Variants in PXDNL observed in about 807,000 individuals in gnomAD.
PXDNL encodes the protein probable oxidoreductase PXDNL.
In PXDNL, 145 loss-of-function variants were observed where a neutral mutation model predicts 150.8. The ratio of observed to expected loss-of-function variants is 0.96; its 90% CI spans 0.84 to 1.10. PXDNL has a LOEUF of 1.10. Ranked by LOEUF, PXDNL falls within the 50% of genes least tolerant of loss-of-function variation. The pLI, the probability that PXDNL is intolerant of heterozygous loss-of-function variation, is 0.00. For synonymous variants in PXDNL, 757 were observed against 725.7 expected, an observed-to-expected ratio of 1.04 and a Z score of -0.69; for missense variants, 2,087 against 1,873.9, an observed-to-expected ratio of 1.11 and a Z score of -2.10.
chr8:51,607,991 GAGGA>G (rs1241189802), intron 2 of PXDNL, among the ~76,000 whole-genome samples: 4 of 103,728 alleles, frequency 3.9e-5, no homozygotes, highest in South Asian at 3.0e-4. Flanking sequence ...GGAAGAGAGA[GAGGA>G]AGGAAGGAAG....
Position 51,603,051 on chromosome 8 carries a change from A to G in PXDNL, c.237-10353T>C, listed in dbSNP as rs922348920. The stretch of plus-strand genomic sequence containing the variant: ...TATTTACATATTATCATTACTATTG[A>G]TTGATATATTTATAGTTTCCCCTGT... On this transcript the variant is annotated intron_variant, in intron 2 of 22. Coordinates refer to ENST00000356297, the MANE Select transcript of PXDNL (RefSeq NM_144651.5). Among the ~76,000 whole-genome samples the G allele has an allele frequency of 2.6e-5, 4 of 151,856 alleles. No individual in the cohort carries two copies. In the South Asian group the frequency reaches 8.3e-4, roughly 32 times the overall value.
At chr8:51,752,594 T>C (rs1459431109) in intron 1 of PXDNL, among the ~76,000 whole-genome samples, 1 of 152,160 alleles carries the variant, frequency 6.6e-6, no homozygotes, top group Non-Finnish European at 1.5e-5. Flanking sequence ...TGAACCTCTG[T>C]CACCTACAAT....
At chr8:51,734,470 G>A (rs1039122638) in intron 1 of PXDNL, among the ~76,000 whole-genome samples, 2 of 152,172 alleles carry the variant, frequency 1.3e-5, no homozygotes, top group Non-Finnish European at 2.9e-5. Flanking sequence ...AGTCTAAGTT[G>A]ACGAGTGAAT....
intron 14 of PXDNL, among the ~76,000 whole-genome samples, chr8:51,417,724 AC>A: frequency 6.6e-6 from 1 of 152,312 alleles, no homozygotes; most frequent in Middle Eastern, 3.4e-3. Context: ...TAAAACTGAC[AC>A]ATGTGAGGGC....
intron 12 of PXDNL, among the ~76,000 whole-genome samples, chr8:51,433,273 T>C (rs922231951): frequency 6.6e-6 from 1 of 150,678 alleles, no homozygotes; most frequent in African/African-American, 2.4e-5. Context: ...CATTTCATCT[T>C]TAAAAATGTA....
intron 4 of PXDNL, among the ~76,000 whole-genome samples, chr8:51,529,886 A>G (rs6995112): frequency 0.48 from 72,921 of 152,064 alleles, 20,976 homozygotes; most frequent in African/African-American, 0.81. Flanking sequence ...ATGCTTGGTA[A>G]GAAGTGTAGC....
rs79436881 is a variant in PXDNL, at chr8:51,361,653, G to C, written c.3901+10220C>G. Among the ~76,000 whole-genome samples, 1,234 of 152,196 alleles carry C rather than the reference G, an allele frequency of 8.1e-3. 11 individuals are homozygous for C. Among genetic ancestry groups the C allele is most frequent in the African/African-American group, 0.028 (1,177 of 41,542 alleles). ...CCAAATGAATAATACCACACTTTAA[G>C]CAGTGCATCTGAAAATGAGAATTCC... On this transcript the variant is annotated intron_variant, in intron 19 of 22. Coordinates refer to ENST00000356297, the MANE Select transcript of PXDNL (RefSeq NM_144651.5).
At chr8:51,679,099 G>A (rs34229852) in intron 1 of PXDNL, among the ~76,000 whole-genome samples, 8,492 of 152,254 alleles carry the variant, frequency 0.056, 340 homozygotes, top group African/African-American at 0.12. Context: ...TCCTATGATC[G>A]AGGTAATGCA....
At chr8:51,771,551 G>C (rs558933272) in intron 1 of PXDNL, among the ~76,000 whole-genome samples, 21 of 152,252 alleles carry the variant, frequency 1.4e-4, no homozygotes, top group Admixed American at 5.9e-4. Context: ...CTATCCTTGG[G>C]GGCAAGTAAG....
rs184804188 is a variant in PXDNL at position 51,628,832 on chromosome 8, A to T, written c.236+25857T>A. ...ATGTAACAAAAAGAAGACTTTACAA[A>T]AAAGTAGTTTAGAAAAGTCACTAAC... On this transcript the variant is annotated intron_variant, in intron 2 of 22. Transcript: ENST00000356297. Among the ~76,000 whole-genome samples the T allele has an allele frequency of 7.9e-5, 12 of 152,334 alleles. No homozygotes were observed. In the East Asian group the frequency reaches 2.1e-3, roughly 27 times the overall value.
At chr8:51,703,124 C>T (rs896181460) in intron 1 of PXDNL, among the ~76,000 whole-genome samples, 3 of 152,146 alleles carry the variant, frequency 2.0e-5, no homozygotes, top group Non-Finnish European at 4.4e-5. Context: ...TGCAAAGCTG[C>T]TGAACCCATG....
chr8:51,584,621 T>C (rs928286247), intron 3 of PXDNL, among the ~76,000 whole-genome samples: 3 of 152,122 alleles, frequency 2.0e-5, no homozygotes, highest in Non-Finnish European at 4.4e-5. Flanking sequence ...TATCCCAACA[T>C]AATACAGTTG....
rs368373901 is a variant in PXDNL at position 51,644,423 on chromosome 8, TAC to T, written c.236+10264_236+10265del. On this transcript the variant is annotated intron_variant, in intron 2 of 22. Transcript: ENST00000356297. Reference sequence around the variant, plus strand: ...ATATACACATGTGTGTGTATATATATACACATATGTGTGTGTATATATATATG... The same window carrying T: ...ATATACACATGTGTGTGTATATATATACATATGTGTGTGTATATATATATG... 7.6e-5 allele frequency among the ~76,000 whole-genome samples: 9 copies of T among 117,812 alleles called. No individual in the cohort carries two copies. The East Asian group carries it at 1.1e-3, about 14-fold the overall frequency. 77.3% of individuals were successfully genotyped at this position (117,812 alleles called of 152,430 possible).
At chr8:51,599,104 T>C (rs1467073929) in intron 2 of PXDNL, among the ~76,000 whole-genome samples, 1 of 152,174 alleles carries the variant, frequency 6.6e-6, no homozygotes, top group African/African-American at 2.4e-5. Flanking sequence ...TTTCTCATTG[T>C]GCTAATTTGG....
intron 1 of PXDNL, among the ~76,000 whole-genome samples, chr8:51,716,173 T>C (rs1816612653): frequency 1.3e-5 from 2 of 152,170 alleles, no homozygotes; most frequent in African/African-American, 4.8e-5. Flanking sequence ...TCCATGTGGG[T>C]GCCTGCTTTC....
At chr8:51,613,487 G>A (rs545531452) in intron 2 of PXDNL, among the ~76,000 whole-genome samples, 2 of 89,342 alleles carry the variant, frequency 2.2e-5, no homozygotes, top group Non-Finnish European at 3.1e-5. Flanking sequence ...AAGGGGGCGG[G>A]GGGGGGGCAG....
chr8:51,622,887 C>T (rs1269661420), intron 2 of PXDNL, among the ~76,000 whole-genome samples: 1 of 152,182 alleles, frequency 6.6e-6, no homozygotes, highest in Non-Finnish European at 1.5e-5. Flanking sequence ...ACTTGCTGGG[C>T]CCAGCTCACC....
chr8:51,809,068 A>G lies in PXDNL; in HGVS notation c.164+113T>C. 4 of 1,106,418 alleles carry G rather than the reference A, an allele frequency of 3.6e-6. No individual in the cohort carries two copies. In the South Asian group the frequency reaches 5.8e-5, roughly 16 times the overall value. The allele number at this position is 1,106,418 out of a possible 1,614,324, so 68.5% of individuals were successfully genotyped here. ...TTTGAAAAGTGAAAAGCCTCTTCTA[A>G]GTATACAAGCAGGGAGAGCATTAGG... is the stretch of plus-strand genomic sequence containing the variant. On this transcript the variant is annotated intron_variant, in intron 1 of 22. Transcript: ENST00000356297.
intron 4 of PXDNL, among the ~76,000 whole-genome samples, chr8:51,509,252 C>T (rs966915061): frequency 1.3e-5 from 2 of 152,074 alleles, no homozygotes; most frequent in Admixed American, 1.3e-4. Context: ...TAAATATATA[C>T]AACATTTATG....
Sources: allele counts gnomAD v4.1 joint callset (sites outside exome capture counted in the v4.1 genomes callset), GRCh38; gene constraint gnomAD v4.1.1; transcripts MANE v1.5; gene names NCBI Gene and HGNC (gene_info 2026-07-23, HGNC 2026-07-21).